The following MECOM variants were observed in gnomAD, a reference collection of about 807,000 sequenced individuals.
The protein encoded by MECOM is MDS1 and EVI1 complex locus, also known as histone-lysine N-methyltransferase MECOM.
In MECOM, 13 loss-of-function variants were observed where a neutral mutation model predicts 116.3. The ratio of observed to expected loss-of-function variants is 0.11; its 90% confidence interval spans 0.07 to 0.18. The LOEUF (loss-of-function observed/expected upper bound fraction) is 0.18, where lower values mean the gene tolerates loss of function less well. Among genes scored for constraint, MECOM ranks in the 10% least tolerant of loss-of-function variants. MECOM has a pLI of 1.00. For synonymous variants in MECOM, 528 were observed against 535.2 expected, an observed-to-expected ratio of 0.99 and a Z score of 0.19; for missense variants, 1,299 against 1,509.0, an observed-to-expected ratio of 0.86 and a Z score of 2.31.
chr3:169,318,897 G>A (rs997664386), intron 2 of MECOM, among the ~76,000 whole-genome samples: 20 of 151,926 alleles, frequency 1.3e-4, no homozygotes, highest in African/African-American at 3.9e-4. Context: ...TCAGGAGTTC[G>A]AGACCAGCCT....
At chr3:169,250,279 G>C (rs573604721) in intron 2 of MECOM, among the ~76,000 whole-genome samples, 1 of 152,336 alleles carries the variant, frequency 6.6e-6, no homozygotes, top group East Asian at 1.9e-4. Context: ...GCAGTGGCCA[G>C]TTCACCTTAA....
chr3:169,161,631 A>G (rs1489474337), intron 2 of MECOM, among the ~76,000 whole-genome samples: 2 of 152,174 alleles, frequency 1.3e-5, no homozygotes. Context: ...ATATATTAAG[A>G]AATTTTAAAT....
At chr3:169,270,532 A>G (rs191484293) in intron 2 of MECOM, among the ~76,000 whole-genome samples, 280 of 152,224 alleles carry the variant, frequency 1.8e-3, no homozygotes, top group Non-Finnish European at 3.0e-3. Context: ...AGCTTTGAAA[A>G]CTGTTATAAC....
At chr3:169,191,289 G>A (rs879665629) in intron 2 of MECOM, among the ~76,000 whole-genome samples, 4 of 151,902 alleles carry the variant, frequency 2.6e-5, no homozygotes, top group Non-Finnish European at 5.9e-5. Flanking sequence ...ATCATCTGCT[G>A]GTGGGTGCAG....
intron 2 of MECOM, among the ~76,000 whole-genome samples, chr3:169,296,911 A>T (rs1715715885): frequency 6.6e-6 from 1 of 152,228 alleles, no homozygotes. Flanking sequence ...TATAGCTTAG[A>T]AAAACAAAAC....
chr3:169,190,632 G>C (rs569745365), intron 2 of MECOM, among the ~76,000 whole-genome samples: 246 of 152,124 alleles, frequency 1.6e-3, no homozygotes, highest in Non-Finnish European at 2.2e-3. Context: ...CTTGTCCAAA[G>C]TCACACATTT....
At chr3:169,196,809 T>C (rs1476916850) in intron 2 of MECOM, among the ~76,000 whole-genome samples, 1 of 152,022 alleles carries the variant, frequency 6.6e-6, no homozygotes, top group East Asian at 1.9e-4. Context: ...ATCCCATTAT[T>C]GGGTATATAC....
chr3:169,363,825 G>A (rs74605550), intron 2 of MECOM, among the ~76,000 whole-genome samples: 7,326 of 151,718 alleles, frequency 0.048, 220 homozygotes, highest in East Asian at 0.1. Flanking sequence ...CCGCACAATG[G>A]CAGACACTCT....
intron 2 of MECOM, among the ~76,000 whole-genome samples, chr3:169,193,049 G>A (rs551303419): frequency 9.3e-4 from 142 of 152,042 alleles, no homozygotes; most frequent in Non-Finnish European, 1.4e-3. Flanking sequence ...CCTAAGGGAG[G>A]GAGCAGACAT....
chr3:169,523,893 A>ACACC (rs35741929), intron 1 of MECOM, among the ~76,000 whole-genome samples: 19 of 43,826 alleles, frequency 4.3e-4, no homozygotes, highest in Middle Eastern at 8.9e-3. Flanking sequence ...ATATACACAT[A>ACACC]TACATACCTG....
rs1252881506 is a variant in MECOM at position 169,611,800 on chromosome 3, C to T, written c.37+51536G>A. Among the ~76,000 whole-genome samples the T allele has an allele frequency of 6.6e-6, 1 of 152,138 alleles. No individual in the cohort carries two copies. The highest frequency in any genetic ancestry group is 1.9e-4 in the East Asian group (1 of 5,196). On this transcript the variant is annotated intron_variant, in intron 1 of 16. Transcript: ENST00000651503. The surrounding 1 kb of genome is among the most constrained non-coding windows in gnomAD (Gnocchi z 4.1). ...TCATTTTTATTCTTCTTTCTTCCCC[C>T]AGTCTGATAATTATGTCCAGAAATC...
At chr3:169,444,536 A>AC (rs1254520229) in intron 1 of MECOM, among the ~76,000 whole-genome samples, 1 of 148,916 alleles carries the variant, frequency 6.7e-6, no homozygotes, top group Non-Finnish European at 1.5e-5. Flanking sequence ...AGTGCCTTTC[A>AC]CCCCCCGCCA....
intron 1 of MECOM, among the ~76,000 whole-genome samples, chr3:169,643,075 G>C (rs1773705389): frequency 6.6e-6 from 1 of 152,186 alleles, no homozygotes; most frequent in Admixed American, 6.5e-5. Context: ...ACTGCAACTG[G>C]TCAATTAAAT....
chr3:169,662,530 T>A (rs1184762788), intron 1 of MECOM, among the ~76,000 whole-genome samples: 1 of 152,028 alleles, frequency 6.6e-6, no homozygotes, highest in Non-Finnish European at 1.5e-5. Flanking sequence ...CCTCCCCACC[T>A]GCGCGTGGCT....
chr3:169,184,981 C>A (rs1439347293), intron 2 of MECOM, among the ~76,000 whole-genome samples: 1 of 152,078 alleles, frequency 6.6e-6, no homozygotes, highest in East Asian at 1.9e-4. Context: ...GGAAGGTGGG[C>A]ATCTAAATTC....
intron 1 of MECOM, among the ~76,000 whole-genome samples, chr3:169,411,956 A>C (rs1297800188): frequency 1.3e-5 from 2 of 151,938 alleles, no homozygotes; most frequent in Admixed American, 1.3e-4. Flanking sequence ...AAGCCACTGC[A>C]CTCCAGCCTG....
intron 1 of MECOM, among the ~76,000 whole-genome samples, chr3:169,644,914 A>T (rs1398163118): frequency 6.6e-6 from 1 of 152,168 alleles, no homozygotes; most frequent in Non-Finnish European, 1.5e-5. Flanking sequence ...TTATAAATAC[A>T]CACTCATGCC....
At chr3:169,448,914 A>AATCCAG (rs1745097438) in intron 1 of MECOM, among the ~76,000 whole-genome samples, 1 of 152,188 alleles carries the variant, frequency 6.6e-6, no homozygotes, top group East Asian at 1.9e-4. Flanking sequence ...GGTACACTGG[A>AATCCAG]ATCCAGATTT....
At chr3:169,523,476 G>C (rs1400880816) in intron 1 of MECOM, among the ~76,000 whole-genome samples, 1 of 151,560 alleles carries the variant, frequency 6.6e-6, no homozygotes, top group Non-Finnish European at 1.5e-5. Context: ...TCTGGAGAGA[G>C]AGGAAGATAG....
Sources: gnomAD v4.1 joint callset for allele counts (sites outside exome capture counted in the v4.1 genomes callset) on GRCh38, gnomAD v4.1.1 for gene constraint, Gnocchi (gnomAD v3.1) non-coding constraint, MANE v1.5 for transcripts, NCBI Gene and HGNC (gene_info 2026-07-23, HGNC 2026-07-21) for gene names.